SPOCK3: variants seen among roughly 807,000 people sequenced by gnomAD.
SPOCK3 encodes testican-3.
Under a neutral mutation model 56.6 loss-of-function variants are expected in SPOCK3, and 30 were observed. The ratio of observed to expected loss-of-function variants is 0.53; its 90% CI spans 0.40 to 0.72. The LOEUF is 0.72. Among genes scored for constraint, SPOCK3 ranks in the 30% least tolerant of loss-of-function variants. The pLI is 0.00. For synonymous variants in SPOCK3, 196 were observed against 183.3 expected (o/e 1.07, Z -0.56); for missense variants, 527 against 530.0 (o/e 0.99, Z 0.06).
At chr4:167,179,387 A>T (rs926521074) in intron 2 of SPOCK3, among the ~76,000 whole-genome samples, 1 of 152,172 alleles carries the variant, frequency 6.6e-6, no homozygotes, top group Non-Finnish European at 1.5e-5. Flanking sequence ...CAATGCTTAC[A>T]AATGTCCCAG....
intron 3 of SPOCK3, among the ~76,000 whole-genome samples, chr4:167,035,712 C>T (rs1580076070): frequency 6.6e-6 from 1 of 152,152 alleles, no homozygotes; most frequent in Non-Finnish European, 1.5e-5. Flanking sequence ...TTTCCTAGAA[C>T]CCTAGCGTGA....
chr4:166,847,234 G>C (rs1261991151), intron 6 of SPOCK3, among the ~76,000 whole-genome samples: 2 of 151,990 alleles, frequency 1.3e-5, no homozygotes, highest in Admixed American at 1.3e-4. Context: ...TTACCAGTTG[G>C]CAGGCCATTT....
At chr4:167,060,217 A>C (rs1755439716) in intron 3 of SPOCK3, among the ~76,000 whole-genome samples, 2 of 151,840 alleles carry the variant, frequency 1.3e-5, no homozygotes, top group Admixed American at 6.6e-5. Flanking sequence ...TTCAGCCATA[A>C]AAAGAATGAT....
At chr4:167,193,994 T>A (rs1377324022) in intron 2 of SPOCK3, among the ~76,000 whole-genome samples, 1 of 152,168 alleles carries the variant, frequency 6.6e-6, no homozygotes, top group Non-Finnish European at 1.5e-5. Context: ...TTACATAATG[T>A]GTATATTAAT....
intron 6 of SPOCK3, among the ~76,000 whole-genome samples, chr4:166,842,217 C>CA (rs1747492407): frequency 6.6e-6 from 1 of 152,186 alleles, no homozygotes; most frequent in South Asian, 2.1e-4. Flanking sequence ...AAAGCTTCCA[C>CA]GGTGAGGAAG....
intron 2 of SPOCK3, among the ~76,000 whole-genome samples, chr4:167,116,837 ATATACT>A (rs1302520250): frequency 2.1e-5 from 3 of 141,592 alleles, no homozygotes; most frequent in Non-Finnish European, 3.0e-5. Context: ...AAAAGTATAT[ATATACT>A]TTTATATATA....
At chr4:166,972,579 GA>G in intron 4 of SPOCK3, among the ~76,000 whole-genome samples, 1 of 151,104 alleles carries the variant, frequency 6.6e-6, no homozygotes, top group Middle Eastern at 3.4e-3. Context: ...ACATTAAAAT[GA>G]AAAGTTCTAT....
At chr4:166,769,852 G>A (rs1012285331) in intron 7 of SPOCK3, among the ~76,000 whole-genome samples, 2 of 152,148 alleles carry the variant, frequency 1.3e-5, no homozygotes, top group African/African-American at 4.8e-5. Context: ...GGAGCTTCCT[G>A]GCAGCTTTGT....
rs1229045157 is a variant in SPOCK3, at chr4:167,234,120, C to G, written c.54G>C (p.Gln18His). ...CCACCGCCGCGGCAGCTGCGAGAGA[C>G]TGACTGCACCAAGCGGCTGCACACA... Reference protein sequence around the residue: ...LCVCAAAWCSQSLAAAAAVAA... With the variant: ...LCVCAAAWCSHSLAAAAAVAA... The change falls in exon 2 of 11, where the codon CAG (glutamine) becomes CAC (histidine). Residue 18 changes from glutamine to histidine, a missense_variant. By Grantham distance (24) the Gln-to-His change is conservative. Coordinates refer to ENST00000357545, the MANE Select transcript of SPOCK3 (RefSeq NM_001040159.2). 6.2e-7 allele frequency: 1 copy of G among 1,613,960 alleles called. No homozygotes were observed. The highest frequency in any genetic ancestry group is 1.7e-5 in the Admixed American group (1 of 60,014).
At chr4:166,916,807 G>T (rs750775060) in intron 4 of SPOCK3, among the ~76,000 whole-genome samples, 2 of 152,138 alleles carry the variant, frequency 1.3e-5, no homozygotes, top group Non-Finnish European at 2.9e-5. Flanking sequence ...ATTTGATCTT[G>T]AGTAATCCAT....
intron 4 of SPOCK3, among the ~76,000 whole-genome samples, chr4:166,959,886 C>CA (rs1309923871): frequency 2.6e-5 from 4 of 151,872 alleles, no homozygotes; most frequent in Non-Finnish European, 5.9e-5. Context: ...GGAGTAGGCA[C>CA]AAAAAATTAA....
chr4:166,908,272 T>TCA (rs5863846), intron 5 of SPOCK3, among the ~76,000 whole-genome samples: 10,261 of 138,450 alleles, frequency 0.074, 398 homozygotes, highest in East Asian at 0.13. Flanking sequence ...ATGTTATTGT[T>TCA]CACACACACA....
chr4:167,182,076 T>G (rs371659495), intron 2 of SPOCK3, among the ~76,000 whole-genome samples: 7 of 152,314 alleles, frequency 4.6e-5, no homozygotes, highest in African/African-American at 1.2e-4. Flanking sequence ...AATCTATCCT[T>G]TAATGACTTT....
intron 4 of SPOCK3, among the ~76,000 whole-genome samples, chr4:166,985,049 C>T (rs1255176319): frequency 6.6e-6 from 1 of 152,020 alleles, no homozygotes; most frequent in Non-Finnish European, 1.5e-5. Flanking sequence ...CTTTAGCTTC[C>T]AGAAGAGAAG....
At chr4:166,886,148 C>T (rs1734181514) in intron 6 of SPOCK3, among the ~76,000 whole-genome samples, 1 of 152,006 alleles carries the variant, frequency 6.6e-6, no homozygotes, top group Non-Finnish European at 1.5e-5. Flanking sequence ...AGACCATGCT[C>T]ACAACTATGA....
At chr4:166,847,663 A>ATATATATATATATCTATATATATATC (rs1748229221) in intron 6 of SPOCK3, among the ~76,000 whole-genome samples, 1 of 98,358 alleles carries the variant, frequency 1.0e-5, no homozygotes, top group East Asian at 4.1e-4. Context: ...ATATATATAT[A>ATATATATATATATCTATATATATATC]TATATATATA....
intron 2 of SPOCK3, among the ~76,000 whole-genome samples, chr4:167,160,270 A>G (rs144462530): frequency 2.1e-3 from 320 of 152,334 alleles, no homozygotes; most frequent in African/African-American, 7.0e-3. Flanking sequence ...GAGCCAAACC[A>G]TGAGTGAACT....
At chr4:166,736,107 G>T (rs1054997017) in intron 10 of SPOCK3, among the ~76,000 whole-genome samples, 1 of 151,834 alleles carries the variant, frequency 6.6e-6, no homozygotes, top group African/African-American at 2.4e-5. Context: ...GTAATTCAAG[G>T]TTTATAAATT....
chr4:167,048,500 A>G (rs1753916980), intron 3 of SPOCK3, among the ~76,000 whole-genome samples: 1 of 152,166 alleles, frequency 6.6e-6, no homozygotes, highest in African/African-American at 2.4e-5. Context: ...CAACTGTATA[A>G]AACTGAACAT....
Sources: gnomAD v4.1 joint callset for allele counts (sites outside exome capture counted in the v4.1 genomes callset) on GRCh38, gnomAD v4.1.1 for gene constraint, MANE v1.5 for transcripts, NCBI Gene and HGNC (gene_info 2026-07-23, HGNC 2026-07-21) for gene names.